Variants in JPH1 observed in about 807,000 individuals in gnomAD.
JPH1 encodes junctophilin-1.
In JPH1, 12 loss-of-function variants were observed where a neutral mutation model predicts 53.6. That is an observed-to-expected ratio of 0.22 (90% CI 0.14 to 0.36). The LOEUF is 0.36. Ranked by LOEUF, JPH1 falls within the 10% of genes least tolerant of loss-of-function variation. JPH1 has a pLI of 1.00. For synonymous variants in JPH1, 375 were observed against 363.8 expected (o/e 1.03, Z -0.35); for missense variants, 808 against 905.5 (o/e 0.89, Z 1.38).
intron 2 of JPH1, among the ~76,000 whole-genome samples, chr8:74,281,487 A>G (rs1289294568): frequency 1.3e-5 from 2 of 152,234 alleles, no homozygotes; most frequent in African/African-American, 4.8e-5. Context: ...TAGCCTTAGT[A>G]CCCAACACAC....
chr8:74,296,468 A>G (rs1807525462), intron 2 of JPH1, among the ~76,000 whole-genome samples: 1 of 152,228 alleles, frequency 6.6e-6, no homozygotes, highest in African/African-American at 2.4e-5. Context: ...TCACTAGTTC[A>G]GTATTTATTC....
chr8:74,251,953 G>A (rs994675260), intron 3 of JPH1, among the ~76,000 whole-genome samples: 1 of 152,126 alleles, frequency 6.6e-6, no homozygotes. Context: ...AAAACAGCAT[G>A]GTACTGCTAC....
chr8:74,310,212 A>G (rs1193409507), intron 2 of JPH1, among the ~76,000 whole-genome samples: 1 of 151,704 alleles, frequency 6.6e-6, no homozygotes, highest in Non-Finnish European at 1.5e-5. Context: ...ACTAGCATGG[A>G]GCAGTCTCAG....
chr8:74,278,695 A>C (rs899029803), intron 2 of JPH1, among the ~76,000 whole-genome samples: 2 of 152,198 alleles, frequency 1.3e-5, no homozygotes, highest in African/African-American at 2.4e-5. Flanking sequence ...TACCAGAAAC[A>C]GTAACCAAGC....
chr8:74,284,499 T>C (rs1285947664), intron 2 of JPH1, among the ~76,000 whole-genome samples: 1 of 152,130 alleles, frequency 6.6e-6, no homozygotes, highest in Non-Finnish European at 1.5e-5. Flanking sequence ...CAACTGTGCA[T>C]GCTATTACAA....
chr8:74,288,461 A>G (rs533770158), intron 2 of JPH1, among the ~76,000 whole-genome samples: 1 of 152,196 alleles, frequency 6.6e-6, no homozygotes, highest in Non-Finnish European at 1.5e-5. Flanking sequence ...TGGGGTGAAA[A>G]TGGGGAAAGT....
At chr8:74,251,305 C>A (rs769940946) in intron 3 of JPH1, among the ~76,000 whole-genome samples, 1 of 152,036 alleles carries the variant, frequency 6.6e-6, no homozygotes, top group Non-Finnish European at 1.5e-5. Flanking sequence ...TTTTTATAAC[C>A]CAATCAGGTT....
In JPH1 at chr8:74,300,342, A is replaced by AT. The variant is rs533581835; in HGVS notation, c.1139+14518dup. Among the ~76,000 whole-genome samples the AT allele has an allele frequency of 5.1e-4, 77 of 152,174 alleles. No homozygotes were observed. The South Asian group carries it at 0.015, about 30-fold the overall frequency. Reference sequence around the variant, plus strand: ...GGGACTGACTGAATTGCTTCGTGTTATTTTTTTAACTACCTCCCATGTACA... The same window carrying AT: ...GGGACTGACTGAATTGCTTCGTGTTATTTTTTTTAACTACCTCCCATGTACA... On this transcript the variant is annotated intron_variant, in intron 2 of 5. Coordinates refer to ENST00000342232, the MANE Select transcript of JPH1 (RefSeq NM_020647.4).
intron 2 of JPH1, among the ~76,000 whole-genome samples, chr8:74,267,768 G>A (rs1806576657): frequency 6.6e-6 from 1 of 152,134 alleles, no homozygotes; most frequent in African/African-American, 2.4e-5. Context: ...CGTTTTACTT[G>A]TATTTTAAGA....
intron 2 of JPH1, among the ~76,000 whole-genome samples, chr8:74,284,674 T>C (rs1321947234): frequency 6.6e-6 from 1 of 152,070 alleles, no homozygotes; most frequent in Admixed American, 6.6e-5. Flanking sequence ...TAAGGAATAA[T>C]ACAAATTGAG....
intron 2 of JPH1, among the ~76,000 whole-genome samples, chr8:74,290,672 A>G (rs1807298805): frequency 6.6e-6 from 1 of 152,228 alleles, no homozygotes; most frequent in Non-Finnish European, 1.5e-5. Context: ...CACATTGCCA[A>G]GACAATCCTA....
chr8:74,252,202 C>T (rs1040875012), intron 3 of JPH1, among the ~76,000 whole-genome samples: 2 of 152,092 alleles, frequency 1.3e-5, no homozygotes, highest in African/African-American at 4.8e-5. Context: ...CATGTTAGAC[C>T]TAAAACCATA....
chr8:74,316,555 A>G (rs1356870964), intron 1 of JPH1, among the ~76,000 whole-genome samples: 1 of 152,228 alleles, frequency 6.6e-6, no homozygotes, highest in Non-Finnish European at 1.5e-5. Flanking sequence ...GTGGCTAAAA[A>G]GTATACCCTT....
At chr8:74,256,492 T>C (rs1806238765) in intron 3 of JPH1, among the ~76,000 whole-genome samples, 1 of 149,472 alleles carries the variant, frequency 6.7e-6, no homozygotes, top group South Asian at 2.1e-4. Context: ...TGTATACATA[T>C]GTAACAAACC....
At chr8:74,240,578 T>A (rs140286567) in intron 4 of JPH1, among the ~76,000 whole-genome samples, 2 of 152,336 alleles carry the variant, frequency 1.3e-5, no homozygotes, top group Non-Finnish European at 2.9e-5. Context: ...TTCTGGATGT[T>A]CCACCTGTAC....
At chr8:74,245,915 GAAAA>G (rs112727683) in intron 3 of JPH1, among the ~76,000 whole-genome samples, 2 of 86,280 alleles carry the variant, frequency 2.3e-5, no homozygotes, top group African/African-American at 6.9e-5. Flanking sequence ...AGGAAAAAAT[GAAAA>G]AAAAAAAAAA....
chr8:74,288,565 G>C (rs60876614), intron 2 of JPH1, among the ~76,000 whole-genome samples: 1,642 of 152,178 alleles, frequency 0.011, 21 homozygotes, highest in East Asian at 0.095. Context: ...TGGCAAATGT[G>C]GGCAGAAGAC....
At chr8:74,246,116 G>T (rs1805854194) in intron 3 of JPH1, among the ~76,000 whole-genome samples, 1 of 151,976 alleles carries the variant, frequency 6.6e-6, no homozygotes, top group African/African-American at 2.4e-5. Flanking sequence ...GCGTACTTTG[G>T]CTACCACTCC....
chr8:74,247,158 C>T (rs998341717), intron 3 of JPH1, among the ~76,000 whole-genome samples: 1 of 152,166 alleles, frequency 6.6e-6, no homozygotes, highest in African/African-American at 2.4e-5. Flanking sequence ...CACCTGCAGG[C>T]ATATTTTAAC....
Sources: allele counts gnomAD v4.1 joint callset (sites outside exome capture counted in the v4.1 genomes callset), GRCh38; gene constraint gnomAD v4.1.1; transcripts MANE v1.5; gene names NCBI Gene and HGNC (gene_info 2026-07-23, HGNC 2026-07-21).